Variants in COL13A1 observed in about 807,000 individuals in gnomAD.
The protein encoded by COL13A1 is collagen type XIII alpha 1 chain.
Under a neutral mutation model 130.9 loss-of-function variants are expected in COL13A1, and 89 were observed. That is an observed-to-expected ratio of 0.68 (90% CI 0.57 to 0.81). The LOEUF (loss-of-function observed/expected upper bound fraction) is 0.81, where lower values mean the gene tolerates loss of function less well. COL13A1 is among the 30% of genes least tolerant of loss of function. The probability of loss-of-function intolerance (pLI) is 0.00; values close to 1 mark genes in which losing one functional copy is unlikely to be tolerated. For missense variants in COL13A1, 879 were observed against 934.6 expected (o/e 0.94, Z 0.78); for synonymous variants, 402 against 341.6 (o/e 1.18, Z -1.95).
chr10:69,905,895 A>G, intron 17 of COL13A1, 73 bp downstream of exon 17: 1 of 1,519,784 alleles, frequency 6.6e-7, no homozygotes, highest in Non-Finnish European at 9.0e-7. Context: ...CCTCAGACCC[A>G]AGAGGGTCTC....
intron 17 of COL13A1, among the ~76,000 whole-genome samples, chr10:69,912,328 G>A (rs936381063): frequency 1.3e-5 from 2 of 152,128 alleles, no homozygotes; most frequent in African/African-American, 4.8e-5. Flanking sequence ...ACTTCCTGCC[G>A]GCCCTAATTA....
At chr10:69,812,184 G>A (rs1843232663) in intron 1 of COL13A1, among the ~76,000 whole-genome samples, 1 of 152,194 alleles carries the variant, frequency 6.6e-6, no homozygotes, top group East Asian at 1.9e-4. Context: ...TGGCCTTCAG[G>A]TGCAGCCCTT....
intron 1 of COL13A1, among the ~76,000 whole-genome samples, chr10:69,809,846 T>G (rs1842491248): frequency 6.6e-6 from 1 of 152,238 alleles, no homozygotes; most frequent in African/African-American, 2.4e-5. Flanking sequence ...TGTCCAGTCT[T>G]GGCCTCTGGA....
intron 1 of COL13A1, among the ~76,000 whole-genome samples, chr10:69,807,181 T>C (rs138728942): frequency 7.2e-4 from 109 of 152,230 alleles, no homozygotes; most frequent in African/African-American, 2.5e-3. Flanking sequence ...ATAGGGTGCA[T>C]ACAGGGGCCA....
chr10:69,881,339 G>A (rs1028132713), intron 7 of COL13A1, among the ~76,000 whole-genome samples: 3 of 152,190 alleles, frequency 2.0e-5, no homozygotes, highest in Non-Finnish European at 2.9e-5. Flanking sequence ...GATTAGAACC[G>A]AGGAGCCCCG....
chr10:69,912,541 C>A (rs2063493424), intron 17 of COL13A1, among the ~76,000 whole-genome samples: 1 of 151,758 alleles, frequency 6.6e-6, no homozygotes, highest in African/African-American at 2.4e-5. Context: ...AGCTGTCCAC[C>A]GACCGCCCCC....
intron 34 of COL13A1, 45 bp from the exon 35 acceptor site, chr10:69,940,943 A>T (rs2067540319): frequency 6.2e-7 from 1 of 1,612,810 alleles, no homozygotes; most frequent in African/African-American, 1.3e-5. Context: ...CTCCCTCCCA[A>T]TCCTCTCTTC....
At chr10:69,944,527 T>C (rs769629904) in intron 36 of COL13A1, among the ~76,000 whole-genome samples, 2 of 152,006 alleles carry the variant, frequency 1.3e-5, no homozygotes, top group Non-Finnish European at 2.9e-5. Flanking sequence ...GGCATGATGG[T>C]GCACACCTCT....
intron 38 of COL13A1, among the ~76,000 whole-genome samples, chr10:69,950,517 T>C (rs1438937505): frequency 1.3e-5 from 2 of 152,130 alleles, no homozygotes; most frequent in Non-Finnish European, 2.9e-5. Flanking sequence ...GCTTCTTCAT[T>C]AGGAAACTGC....
chr10:69,920,126 A>G (rs2064442250), intron 21 of COL13A1, among the ~76,000 whole-genome samples: 1 of 152,176 alleles, frequency 6.6e-6, no homozygotes, highest in Admixed American at 6.5e-5. Flanking sequence ...CTGGCCCTCC[A>G]CAACCCCTCT....
At chr10:69,944,782 A>C (rs112941065) in intron 36 of COL13A1, among the ~76,000 whole-genome samples, 2 of 152,296 alleles carry the variant, frequency 1.3e-5, no homozygotes, top group African/African-American at 4.8e-5. Flanking sequence ...CCTTGTGTCC[A>C]TCTCAGGTTC....
intron 1 of COL13A1, among the ~76,000 whole-genome samples, chr10:69,811,812 A>G (rs1339482133): frequency 6.6e-6 from 1 of 152,116 alleles, no homozygotes; most frequent in African/African-American, 2.4e-5. Context: ...CAACTCCAGC[A>G]TGTCTTGAAA....
intron 1 of COL13A1, among the ~76,000 whole-genome samples, chr10:69,812,504 C>T (rs1564730916): frequency 6.6e-6 from 1 of 152,182 alleles, no homozygotes; most frequent in Admixed American, 6.5e-5. Flanking sequence ...ATCATCCAAT[C>T]TCCTTGAAAG....
intron 28 of COL13A1, 83 bp downstream of exon 28, chr10:69,929,082 T>A: frequency 9.0e-7 from 1 of 1,110,590 alleles, no homozygotes; most frequent in Non-Finnish European, 1.3e-6. Flanking sequence ...GACCCTCTCA[T>A]CTTCCCAGCA....
chr10:69,939,211 A>G (rs1044410966), intron 34 of COL13A1, among the ~76,000 whole-genome samples: 5 of 152,212 alleles, frequency 3.3e-5, no homozygotes, highest in African/African-American at 1.2e-4. Context: ...ACTGTGGTGC[A>G]CTAGAGACCG....
chr10:69,862,010 A>G (rs1477734488), intron 2 of COL13A1, among the ~76,000 whole-genome samples: 1 of 152,138 alleles, frequency 6.6e-6, no homozygotes, highest in East Asian at 1.9e-4. Flanking sequence ...AGCTTTTGCC[A>G]ATTTCTGTGG....
In COL13A1 at chr10:69,832,739, G is replaced by A. The variant is rs570928142; in HGVS notation, c.364+10301G>A. The stretch of plus-strand genomic sequence containing the variant: ...AGTGTTGGAGGGCCTTGGAACCCCC[G>A]GTTTATGAAGAAAGACTCGCCCTCC... On this transcript the variant is annotated intron_variant, in intron 2 of 40. Coordinates refer to ENST00000645393, the MANE Select transcript of COL13A1 (RefSeq NM_001368882.1). Among the ~76,000 whole-genome samples the A allele has an allele frequency of 2.8e-3, 419 of 152,270 alleles. 8 individuals are homozygous for A. Among genetic ancestry groups the A allele is most frequent in the African/African-American group, 8.9e-3 (371 of 41,550 alleles).
chr10:69,855,460 A>T (rs1435684860), intron 2 of COL13A1, among the ~76,000 whole-genome samples: 2 of 152,222 alleles, frequency 1.3e-5, no homozygotes, highest in Non-Finnish European at 2.9e-5. Context: ...AACACTCCAT[A>T]TTATAACGAA....
chr10:69,804,143 G>A (rs1255647322), intron 1 of COL13A1, among the ~76,000 whole-genome samples: 6 of 152,048 alleles, frequency 3.9e-5, no homozygotes, highest in Admixed American at 6.5e-5. Context: ...TGGGGTGGAG[G>A]TGCAGCATCT....
Sources: gnomAD v4.1 joint callset for allele counts (sites outside exome capture counted in the v4.1 genomes callset) on GRCh38, gnomAD v4.1.1 for gene constraint, MANE v1.5 for transcripts, NCBI Gene and HGNC (gene_info 2026-07-23, HGNC 2026-07-21) for gene names.